Variants in KANK2 observed in about 807,000 individuals in gnomAD.
KANK2 encodes the protein KN motif and ankyrin repeat domains 2.
Under a neutral mutation model 74.6 loss-of-function variants are expected in KANK2, and 41 were observed. That is an observed-to-expected ratio of 0.55 (90% confidence interval 0.43 to 0.71). KANK2 has a LOEUF of 0.71. KANK2 is among the 30% of genes least tolerant of loss of function. KANK2 has a pLI of 0.00. For missense variants in KANK2, 1,148 were observed against 1,196.4 expected (o/e 0.96, Z 0.60); for synonymous variants, 537 against 519.0 (o/e 1.03, Z -0.47).
chr19:11,177,285 G>A (rs938834343), intron 6 of KANK2, among the ~76,000 whole-genome samples: 5 of 151,812 alleles, frequency 3.3e-5, no homozygotes, highest in African/African-American at 1.2e-4. Context: ...TCGGGGTTTC[G>A]CCATGTTGCC....
At chr19:11,197,318 A>C (rs1190276321) in intron 1 of KANK2, 167 bp downstream of exon 1, 1 of 147,220 alleles carries the variant, frequency 6.8e-6, no homozygotes, top group Non-Finnish European at 1.5e-5. Context: ...CAAGTCTGGA[A>C]AGTTTGGGCA....
intron 8 of KANK2, 90 bp from the exon 9 acceptor site, chr19:11,174,782 T>A (rs2078286159): frequency 2.0e-6 from 2 of 1,014,052 alleles, no homozygotes; most frequent in Admixed American, 2.1e-5. Flanking sequence ...GAGCAAAGCG[T>A]GGTGCCCTTG....
intron 4 of KANK2, among the ~76,000 whole-genome samples, chr19:11,188,433 G>A (rs1600821452): frequency 6.6e-6 from 1 of 151,606 alleles, no homozygotes; most frequent in East Asian, 2.0e-4. Flanking sequence ...TCGAGCTCCT[G>A]ACCTCAGGTG....
chr19:11,178,747 C>T, intron 4 of KANK2, 27 bp from the exon 5 acceptor site: 6 of 1,492,088 alleles, frequency 4.0e-6, no homozygotes, highest in Non-Finnish European at 5.3e-6. Flanking sequence ...TGAGTGTCTG[C>T]TCTTGGTCAT....
intron 12 of KANK2, among the ~76,000 whole-genome samples, chr19:11,166,833 G>A (rs1347705132): frequency 6.6e-6 from 1 of 152,190 alleles, no homozygotes; most frequent in East Asian, 1.9e-4. Context: ...AATGAGGGTG[G>A]ACAGTGGCTG....
Position 11,193,081 on chromosome 19 carries a change from T to C in KANK2, c.999A>G (p.Val333=), listed in dbSNP as rs1568653853. 6.2e-7 allele frequency: 1 copy of C among 1,609,828 alleles called. No homozygotes were observed. The highest frequency in any genetic ancestry group is 8.5e-7 in the Non-Finnish European group (1 of 1,178,282). The part of the protein sequence containing the change: ...SPVRVDTVRV[V]EGPREVEVVA... The stretch of plus-strand genomic sequence containing the variant: ...CCACCTCCACCTCCCGTGGCCCTTC[T>C]ACCACCCGGACTGTATCCACGCGGA... Residue 333 remains valine, a synonymous_variant, in exon 4 of 13, where the codon GTA becomes GTG. Coordinates refer to ENST00000586659, the MANE Select transcript of KANK2 (RefSeq NM_001136191.3). This position sits in a 1 kb window ranked among gnomAD's most constrained non-coding sequence, Gnocchi z 9.6.
chr19:11,191,703 T>G (rs943966083), intron 4 of KANK2, among the ~76,000 whole-genome samples: 1 of 152,204 alleles, frequency 6.6e-6, no homozygotes, highest in African/African-American at 2.4e-5. Flanking sequence ...CTTGCCTGCC[T>G]GAAAGAGAAG....
intron 4 of KANK2, among the ~76,000 whole-genome samples, chr19:11,192,039 A>G (rs1191912503): frequency 6.6e-6 from 1 of 152,188 alleles, no homozygotes; most frequent in Non-Finnish European, 1.5e-5. Flanking sequence ...CAGCCTGGGC[A>G]ATGGAGCGAG....
intron 4 of KANK2, among the ~76,000 whole-genome samples, chr19:11,191,523 G>A (rs1455649383): frequency 6.6e-6 from 1 of 152,214 alleles, no homozygotes; most frequent in African/African-American, 2.4e-5. Context: ...TACCCCCGGC[G>A]TCCATGGCTA....
chr19:11,196,933 G>T (rs1367177674), intron 1 of KANK2: 1 of 152,118 alleles, frequency 6.6e-6, no homozygotes, highest in Non-Finnish European at 1.5e-5. Flanking sequence ...CGGGGTGGGG[G>T]GAGGCGAGAA....
Position 11,193,889 on chromosome 19 carries a change from A to G in KANK2, c.191T>C (p.Val64Ala). ...EKGHTLRRVA[V>A]QRRPRLSSLP... is the part of the protein sequence containing the mutation. The stretch of plus-strand genomic sequence containing the variant: ...CGAGCTCAGGCGGGGGCGGCGCTGC[A>G]CTGCCACGCGTCGCAGCGTGTGGCC... The change falls in exon 4 of 13, where the codon GTG becomes GCG. Residue 64 changes from valine to alanine, a missense_variant. Coordinates refer to ENST00000586659, the MANE Select transcript of KANK2 (RefSeq NM_001136191.3). This position sits in a 1 kb window ranked among gnomAD's most constrained non-coding sequence, Gnocchi z 9.6. 1.2e-6 allele frequency: 2 copies of G among 1,613,666 alleles called. No individual in the cohort carries two copies. The highest frequency in any genetic ancestry group is 1.7e-6 in the Non-Finnish European group (2 of 1,179,938).
rs777682924 is a variant in KANK2, at chr19:11,192,628, T to C, written c.1249+203A>G. 4 of 591,226 alleles carry C rather than the reference T, an allele frequency of 6.8e-6. No individual in the cohort carries two copies. In the Admixed American group the frequency reaches 9.4e-5, roughly 14 times the overall value. The allele number at this position is 591,226 out of a possible 1,614,324, so 36.6% of individuals were successfully genotyped here. On this transcript the variant is annotated intron_variant, in intron 4 of 12. Transcript: ENST00000586659. ...TTTTTGTATTTTTAGTAGAGATGGG[T>C]TTCACCATGTTGGCCAGGCTGGTCT...
intron 4 of KANK2, among the ~76,000 whole-genome samples, chr19:11,183,382 A>C (rs1690830922): frequency 6.6e-6 from 1 of 152,238 alleles, no homozygotes; most frequent in Non-Finnish European, 1.5e-5. Context: ...ATCTCATAGC[A>C]TACACAAGAA....
intron 2 of KANK2, 143 bp from the exon 3 acceptor site, chr19:11,194,733 T>A: frequency 4.1e-6 from 2 of 490,794 alleles, no homozygotes; most frequent in East Asian, 3.6e-5. Context: ...CCAGCCTGGC[T>A]GCGGAAGGGC....
chr19:11,191,849 G>T (rs1004251845), intron 4 of KANK2, among the ~76,000 whole-genome samples: 6 of 152,168 alleles, frequency 3.9e-5, no homozygotes, highest in Admixed American at 2.0e-4. Context: ...TTTGAGCCCA[G>T]AAGTTTGAGA....
chr19:11,172,344 G>T (rs2147400172), intron 10 of KANK2, among the ~76,000 whole-genome samples: 1 of 152,272 alleles, frequency 6.6e-6, no homozygotes, highest in African/African-American at 2.4e-5. Context: ...AATCAATAAA[G>T]ATAAGGCAGG....
intron 8 of KANK2, 67 bp from the exon 9 acceptor site, chr19:11,174,759 A>C: frequency 7.7e-7 from 1 of 1,295,040 alleles, no homozygotes; most frequent in Non-Finnish European, 1.1e-6. Context: ...CCCCCACCCC[A>C]GATGCGCCCC....
chr19:11,178,130 G>A (rs1032107457), intron 6 of KANK2, among the ~76,000 whole-genome samples: 6 of 152,182 alleles, frequency 3.9e-5, no homozygotes, highest in African/African-American at 1.4e-4. Flanking sequence ...TCTTGAGCCA[G>A]GGCACGCAGG....
At chr19:11,169,658 G>A (rs557753822) in intron 12 of KANK2, 51 of 585,500 alleles carry the variant, frequency 8.7e-5, no homozygotes, top group East Asian at 3.1e-4. Context: ...AAAATTAGCC[G>A]GGTGTGGTGG....
Sources: allele counts gnomAD v4.1 joint callset (sites outside exome capture counted in the v4.1 genomes callset), GRCh38; gene constraint gnomAD v4.1.1; non-coding constraint Gnocchi (gnomAD v3.1); transcripts MANE v1.5; gene names NCBI Gene and HGNC (gene_info 2026-07-23, HGNC 2026-07-21).